SYN2: variants seen among roughly 807,000 people sequenced by gnomAD.
SYN2 encodes the protein synapsin-2.
SYN2 carries 19 observed loss-of-function variants against 50.9 expected under a neutral mutation model. The ratio of observed to expected loss-of-function variants is 0.37; its 90% CI spans 0.26 to 0.55. The LOEUF (loss-of-function observed/expected upper bound fraction) is 0.55. SYN2 is among the 20% of genes least tolerant of loss of function. The probability of loss-of-function intolerance (pLI) is 0.81; values close to 1 mark genes in which losing one functional copy is unlikely to be tolerated. For synonymous variants in SYN2, 255 were observed against 224.9 expected (o/e 1.13, Z -1.20); for missense variants, 587 against 576.4 (o/e 1.02, Z -0.19).
intron 1 of SYN2, among the ~76,000 whole-genome samples, chr3:12,050,711 C>CT (rs57099569): frequency 0.056 from 2,795 of 50,290 alleles, 1,107 homozygotes; most frequent in Non-Finnish European, 0.11. Flanking sequence ...CTTCTCTTCT[C>CT]TTTTTTTTTT....
rs1304789593 is a variant in SYN2, at chr3:12,028,120, C to T, written c.377+23192C>T. ...ATTCCCACCTATGAGTGAGAATATG[C>T]GGTGTTTGGTTTTTTGTTCTTGGCG... On this transcript the variant is annotated intron_variant, in intron 1 of 12. Transcript: ENST00000621198. Among the ~76,000 whole-genome samples the T allele has an allele frequency of 6.8e-3, 897 of 131,766 alleles. 6 individuals are homozygous for T. Among genetic ancestry groups the T allele is most frequent in the Non-Finnish European group, 9.4e-3 (605 of 64,496 alleles). 86.4% of individuals were successfully genotyped at this position (131,766 alleles called of 152,430 possible).
chr3:12,070,174 G>A (rs569937826), intron 1 of SYN2: 78 of 338,894 alleles, frequency 2.3e-4, no homozygotes, highest in African/African-American at 1.4e-3. Flanking sequence ...CCGCCAGCCC[G>A]TGCACCATGT....
At chr3:12,102,864 T>A (rs1696106658) in intron 1 of SYN2, among the ~76,000 whole-genome samples, 1 of 152,128 alleles carries the variant, frequency 6.6e-6, no homozygotes, top group Admixed American at 6.5e-5. Flanking sequence ...TTCTGATTGA[T>A]ACAGACATAT....
intron 1 of SYN2, among the ~76,000 whole-genome samples, chr3:12,064,650 G>A (rs185236510): frequency 2.0e-5 from 3 of 152,142 alleles, no homozygotes; most frequent in Non-Finnish European, 2.9e-5. Flanking sequence ...TAGTTCTAAC[G>A]GAAGTGTGTC....
chr3:12,106,495 T>A (rs958221204), intron 1 of SYN2, among the ~76,000 whole-genome samples: 25 of 152,220 alleles, frequency 1.6e-4, no homozygotes, highest in Admixed American at 1.6e-3. Context: ...TCTCATTTAC[T>A]GGATCCTAAG....
rs1697822430 is a variant in SYN2, at chr3:12,167,222, A to ATCT, written c.981-10_981-8dup. The ATCT allele has an allele frequency of 1.2e-6, 2 of 1,611,564 alleles. No homozygotes were observed. Among genetic ancestry groups the ATCT allele is most frequent in the East Asian group, 4.5e-5 (2 of 44,844 alleles). On this transcript the variant is annotated splice_polypyrimidine_tract_variant and intron_variant, in intron 7 of 12. Coordinates refer to ENST00000621198, the MANE Select transcript of SYN2 (RefSeq NM_133625.6). The stretch of plus-strand genomic sequence containing the variant: ...TCACTGCCTGTCCTATCCTGGTGGG[A>ATCT]TCTTGTTGCAGGAGGACATCGATCT...
At chr3:12,012,531 T>G (rs1693932896) in intron 1 of SYN2, among the ~76,000 whole-genome samples, 1 of 152,248 alleles carries the variant, frequency 6.6e-6, no homozygotes, top group Non-Finnish European at 1.5e-5. Flanking sequence ...TGCCTCCAGC[T>G]TTTCAGACTC....
chr3:12,104,532 C>T (rs1696138672), intron 1 of SYN2, among the ~76,000 whole-genome samples: 1 of 150,580 alleles, frequency 6.6e-6, no homozygotes, highest in South Asian at 2.1e-4. Context: ...GAACATACCT[C>T]CGTTTTAAGT....
At position 12,191,713 on chromosome 3, in the gene SYN2, C is replaced by T. The variant is rs1698447553; in HGVS notation, c.*1088C>T. ...TCTACCTATATTACGGACTTTGTAA[C>T]CTTTCAAATAAGCACAGAACCCTTG... On this transcript the variant is annotated 3_prime_UTR_variant, in exon 13 of 13. Coordinates refer to ENST00000621198, the MANE Select transcript of SYN2 (RefSeq NM_133625.6). Among the ~76,000 whole-genome samples, 1 of 152,168 alleles carries T rather than the reference C, an allele frequency of 6.6e-6. No homozygotes were observed. Among genetic ancestry groups the T allele is most frequent in the East Asian group, 1.9e-4 (1 of 5,200 alleles).
At chr3:12,100,689 A>C (rs1189921657) in intron 1 of SYN2, among the ~76,000 whole-genome samples, 1 of 152,198 alleles carries the variant, frequency 6.6e-6, no homozygotes, top group African/African-American at 2.4e-5. Flanking sequence ...GACAACCCAC[A>C]AAATGGGAAA....
chr3:12,163,707 T>G (rs1485473900), intron 7 of SYN2, among the ~76,000 whole-genome samples: 3 of 152,226 alleles, frequency 2.0e-5, no homozygotes, highest in African/African-American at 4.8e-5. Flanking sequence ...TTGTCTAGAT[T>G]TGTACTTTTT....
chr3:12,162,973 G>A (rs754259297), intron 7 of SYN2, among the ~76,000 whole-genome samples: 17 of 152,176 alleles, frequency 1.1e-4, no homozygotes, highest in Non-Finnish European at 2.5e-4. Context: ...AGGCGCGGTG[G>A]CTCATGCCTG....
At chr3:12,089,545 T>A (rs1055466287) in intron 1 of SYN2, among the ~76,000 whole-genome samples, 2 of 152,204 alleles carry the variant, frequency 1.3e-5, no homozygotes, top group African/African-American at 4.8e-5. Flanking sequence ...TACAGCAGCA[T>A]GTGCCTGTAG....
intron 1 of SYN2, among the ~76,000 whole-genome samples, chr3:12,123,297 G>A (rs1696601232): frequency 6.6e-6 from 1 of 152,160 alleles, no homozygotes; most frequent in Non-Finnish European, 1.5e-5. Flanking sequence ...TGAAGTTGCA[G>A]AGCATCAAAG....
At chr3:12,148,073 C>G (rs934878673) in intron 4 of SYN2, among the ~76,000 whole-genome samples, 15 of 151,990 alleles carry the variant, frequency 9.9e-5, no homozygotes, top group East Asian at 7.7e-4. Flanking sequence ...AAGATCGCAC[C>G]ACTGTACTCC....
At chr3:12,051,217 A>G (rs1403231359) in intron 1 of SYN2, among the ~76,000 whole-genome samples, 3 of 152,280 alleles carry the variant, frequency 2.0e-5, no homozygotes, top group Admixed American at 2.0e-4. Flanking sequence ...TAAGTTCTAC[A>G]CAATGTTTTT....
intron 1 of SYN2, among the ~76,000 whole-genome samples, chr3:12,094,767 A>C (rs1209085830): frequency 6.6e-6 from 1 of 152,234 alleles, no homozygotes; most frequent in Non-Finnish European, 1.5e-5. Context: ...ATTGGTTATG[A>C]TGCACAAGGA....
intron 1 of SYN2, among the ~76,000 whole-genome samples, chr3:12,112,551 C>A (rs984586098): frequency 1.3e-5 from 2 of 152,108 alleles, no homozygotes; most frequent in Non-Finnish European, 2.9e-5. Flanking sequence ...AAGAATCTCT[C>A]ACATTATGTA....
At chr3:12,041,803 G>T (rs1694625042) in intron 1 of SYN2, among the ~76,000 whole-genome samples, 1 of 152,136 alleles carries the variant, frequency 6.6e-6, no homozygotes, top group Admixed American at 6.5e-5. Flanking sequence ...GTTATATCCG[G>T]CGTTATGTCT....
Sources: allele counts gnomAD v4.1 joint callset (sites outside exome capture counted in the v4.1 genomes callset), GRCh38; gene constraint gnomAD v4.1.1; transcripts MANE v1.5; gene names NCBI Gene and HGNC (gene_info 2026-07-23, HGNC 2026-07-21).